FAM171A2: variants seen among roughly 807,000 people sequenced by gnomAD.
FAM171A2 encodes the protein family with sequence similarity 171 member A2.
In FAM171A2, 13 loss-of-function variants were observed where a neutral mutation model predicts 34.2. That is an observed-to-expected ratio of 0.38 (90% CI 0.25 to 0.60). The LOEUF (loss-of-function observed/expected upper bound fraction) is 0.60, where lower values mean the gene tolerates loss of function less well. Ranked by LOEUF, FAM171A2 falls within the 20% of genes least tolerant of loss-of-function variation. The pLI is 0.62. For synonymous variants in FAM171A2, 475 were observed against 561.2 expected (o/e 0.85, Z 2.17); for missense variants, 950 against 1,180.7 (o/e 0.80, Z 2.86).
rs1208636909 is a variant in FAM171A2, at chr17:44,353,597, G to C, written c.*136C>G. The C allele has an allele frequency of 4.8e-6, 3 of 625,810 alleles. No individual in the cohort carries two copies. Among genetic ancestry groups the C allele is most frequent in the Non-Finnish European group, 6.6e-6 (3 of 454,660 alleles). 38.8% of individuals were successfully genotyped at this position (625,810 alleles called of 1,614,324 possible). On this transcript the variant is annotated 3_prime_UTR_variant, in exon 8 of 8. Transcript: ENST00000293443. Reference sequence around the variant, plus strand: ...AAGACACGACCCAGCACCAACCACGGAACAGCTCCAAGGCCCCTGGGCCCC... The same window carrying C: ...AAGACACGACCCAGCACCAACCACGCAACAGCTCCAAGGCCCCTGGGCCCC...
intron 1 of FAM171A2, 100 bp from the exon 2 acceptor site, chr17:44,360,232 C>G: frequency 9.9e-7 from 1 of 1,012,948 alleles, no homozygotes. Context: ...TTGAGAGAGT[C>G]TTTTGGGCTG....
Position 44,354,705 on chromosome 17 carries a change from C to G in FAM171A2, c.1509G>C (p.Ser503=), listed in dbSNP as rs2048412293. 1 of 1,343,376 alleles carries G rather than the reference C, an allele frequency of 7.4e-7. No homozygotes were observed. The highest frequency in any genetic ancestry group is 1.5e-5 in the African/African-American group (1 of 65,392). 83.2% of individuals were successfully genotyped at this position (1,343,376 alleles called of 1,614,324 possible). ...GKTPDFLLSQ[S]VDQLARPPSL... ...ACGGCGGCCGCGCCAGCTGGTCCAC[C>G]GACTGCGACAGCAGGAAGTCGGGGG... The change falls in exon 8 of 8, where the codon TCG becomes TCC. Residue 503 remains serine, a synonymous_variant. Coordinates refer to ENST00000293443, the MANE Select transcript of FAM171A2 (RefSeq NM_198475.3). This position sits in a 1 kb window ranked among gnomAD's most constrained non-coding sequence, Gnocchi z 5.8.
chr17:44,354,614 G>A lies in FAM171A2; in HGVS notation c.1600C>T (p.Arg534Cys). Residue 534 changes from arginine to cysteine, a missense_variant, in exon 8 of 8, where the codon CGC becomes TGC. Arg to Cys is a radical substitution (Grantham distance 180). Around this residue, in one of 3 missense-constraint regions of FAM171A2, gnomAD observed 752 missense variants for 924.5 expected, o/e 0.81. Coordinates refer to ENST00000293443, the MANE Select transcript of FAM171A2 (RefSeq NM_198475.3). This position sits in a 1 kb window ranked among gnomAD's most constrained non-coding sequence, Gnocchi z 5.8. ...ATCACCAGGGTGGGCATGACGTTGC[G>A]GTAGACGTTGTCCTTGAGGTGGTCG... ...SIDHLKDNVY[R>C]NVMPTLVIPA... 1.6e-6 allele frequency: 2 copies of A among 1,263,948 alleles called. No individual in the cohort carries two copies. Among genetic ancestry groups the A allele is most frequent in the Non-Finnish European group, 2.0e-6 (2 of 1,002,118 alleles). 78.3% of individuals were successfully genotyped at this position (1,263,948 alleles called of 1,614,324 possible).
At position 44,354,413 on chromosome 17, in the gene FAM171A2, C is replaced by T. The variant is rs2048409255; in HGVS notation, c.1801G>A (p.Gly601Ser). 2 of 1,157,380 alleles carry T rather than the reference C, an allele frequency of 1.7e-6. No individual in the cohort carries two copies. Among genetic ancestry groups the T allele is most frequent in the Non-Finnish European group, 2.1e-6 (2 of 935,832 alleles). 71.7% of individuals were successfully genotyped at this position (1,157,380 alleles called of 1,614,324 possible). ...GPGGEGGGGG[G>S]EGWGAGRAAP... is the part of the protein sequence containing the mutation. ...GCGCGCCCGGCCCCCCAGCCCTCGC[C>T]GCCGCCCCCGCCGCCCTCGCCCCCC... The change falls in exon 8 of 8, where the codon GGC becomes AGC. Residue 601 changes from glycine (G) to serine (S), a missense_variant. Physicochemically the swap from Gly to Ser is moderately conservative, Grantham distance 56 (BLOSUM62 0). Transcript: ENST00000293443. This position sits in a 1 kb window ranked among gnomAD's most constrained non-coding sequence, Gnocchi z 5.8.
chr17:44,358,725 C>T (rs940667736), intron 3 of FAM171A2, among the ~76,000 whole-genome samples: 3 of 151,984 alleles, frequency 2.0e-5, no homozygotes, highest in African/African-American at 7.2e-5. Flanking sequence ...AAACTAGCTC[C>T]ATGACAAGGG....
chr17:44,363,380 T>C (rs1372891845), intron 1 of FAM171A2, among the ~76,000 whole-genome samples: 1 of 151,950 alleles, frequency 6.6e-6, no homozygotes, highest in Non-Finnish European at 1.5e-5. Flanking sequence ...GCACTACCCA[T>C]TGTGTCTCCC....
In FAM171A2 at chr17:44,363,578, C is replaced by A; in HGVS notation, c.118+19G>T. On this transcript the variant is annotated intron_variant, in intron 1 of 7. Coordinates refer to ENST00000293443, the MANE Select transcript of FAM171A2 (RefSeq NM_198475.3). The stretch of plus-strand genomic sequence containing the variant: ...GGGGCGCAGGCCCGCGATCGCGGCC[C>A]CTCCCGGCTGAGACTCACCCTGCGG... 1.7e-6 allele frequency: 2 copies of A among 1,192,796 alleles called. No homozygotes were observed. The highest frequency in any genetic ancestry group is 2.1e-6 in the Non-Finnish European group (2 of 952,694). The allele number at this position is 1,192,796 out of a possible 1,614,324, so 73.9% of individuals were successfully genotyped here.
rs1262526379 is a variant in FAM171A2 at position 44,355,968 on chromosome 17, G to A, written c.885C>T (p.Ser295=). The A allele has an allele frequency of 6.5e-7, 1 of 1,541,606 alleles. No homozygotes were observed. Residue 295 remains serine (S), a synonymous_variant, in exon 6 of 8, where the codon TCC becomes TCT. Transcript: ENST00000293443. This position sits in a 1 kb window ranked among gnomAD's most constrained non-coding sequence, Gnocchi z 4.1. ...CCCCACTACTCTTACCAGCCGTGGG[G>A]GAGGCCATGGCGGCCACCCAGTACC... ...QLGYWVAAMA[S]PTAGLVTITS... is the part of the protein sequence containing the mutation.
rs2048400153 is a variant in FAM171A2, at chr17:44,353,526, G to GC, written c.*206_*207insG. ...CCCGGCACCTCCCCGTGGGGGTCTGGACCCCCCCTCCTCCCCGGCTTGGAG... is the reference window on the plus strand; with the variant it reads ...CCCGGCACCTCCCCGTGGGGGTCTGGCACCCCCCCTCCTCCCCGGCTTGGAG... On this transcript the variant is annotated 3_prime_UTR_variant, in exon 8 of 8. Transcript: ENST00000293443. 3.4e-6 allele frequency: 1 copy of GC among 291,766 alleles called. No individual in the cohort carries two copies. The highest frequency in any genetic ancestry group is 2.4e-5 in the African/African-American group (1 of 41,106). The allele number at this position is 291,766 out of a possible 1,614,324, so 18.1% of individuals were successfully genotyped here.
intron 1 of FAM171A2, among the ~76,000 whole-genome samples, chr17:44,361,499 G>C (rs940913235): frequency 4.6e-5 from 7 of 152,104 alleles, no homozygotes; most frequent in Non-Finnish European, 7.4e-5. Context: ...CCTTAGAGTG[G>C]AGCCTGACAC....
Position 44,359,690 on chromosome 17 carries a change from G to A in FAM171A2, c.347-19C>T, listed in dbSNP as rs917206629. On this transcript the variant is annotated intron_variant, in intron 2 of 7. Coordinates refer to ENST00000293443, the MANE Select transcript of FAM171A2 (RefSeq NM_198475.3). ...GCATACACTGCGGGAGGGATGGCCG[G>A]TCAGCTCCAGGAAAACCCACCCCCT... 16 of 1,547,100 alleles carry A rather than the reference G, an allele frequency of 1.0e-5. No individual in the cohort carries two copies. The highest frequency in any genetic ancestry group is 7.9e-6 in the Non-Finnish European group (9 of 1,144,946).
In FAM171A2 at chr17:44,353,847, C is replaced by T. The variant is rs764277016; in HGVS notation, c.2367G>A (p.Ser789=). ...RSSASELRRD[S]LTSPEDELGA... ...CCAGCTCGTCCTCCGGGCTGGTGAG[C>T]GAGTCGCGCCGCAGCTCGCTGGCGC... Residue 789 remains serine, a synonymous_variant, in exon 8 of 8, where the codon TCG becomes TCA. Coordinates refer to ENST00000293443, the MANE Select transcript of FAM171A2 (RefSeq NM_198475.3). 6 of 1,395,818 alleles carry T rather than the reference C, an allele frequency of 4.3e-6. No individual in the cohort carries two copies. The South Asian group carries it at 8.6e-5, about 20-fold the overall frequency. 86.5% of individuals were successfully genotyped at this position (1,395,818 alleles called of 1,614,324 possible).
chr17:44,355,043 CGGGGTCCCCCGACGGGGCGGGTTCCA>C lies in FAM171A2; in HGVS notation c.1145_1170del (p.Leu382ArgfsTer24). On this transcript the variant is annotated frameshift_variant, in exon 8 of 8. Transcript: ENST00000293443. LOFTEE classifies it low-confidence loss of function (END_TRUNC). The surrounding 1 kb of genome is among the most constrained non-coding windows in gnomAD (Gnocchi z 4.1). ...TGGAGGGGGCCTGGAGGCGGAGCCT[CGGGGTCCCCCGACGGGGCGGGTTCCA>C]GGGGTCCCCCACAGATGAGGTGGAG... is the stretch of plus-strand genomic sequence containing the variant. The C allele has an allele frequency of 1.9e-6, 3 of 1,540,068 alleles. No individual in the cohort carries two copies. The highest frequency in any genetic ancestry group is 2.6e-6 in the Non-Finnish European group (3 of 1,142,548).
At position 44,354,704 on chromosome 17, in the gene FAM171A2, C is replaced by G; in HGVS notation, c.1510G>C (p.Val504Leu). 1 of 1,343,470 alleles carries G rather than the reference C, an allele frequency of 7.4e-7. No homozygotes were observed. Among genetic ancestry groups the G allele is most frequent in the Non-Finnish European group, 9.6e-7 (1 of 1,046,008 alleles). 83.2% of individuals were successfully genotyped at this position (1,343,470 alleles called of 1,614,324 possible). Residue 504 changes from valine to leucine, a missense_variant, in exon 8 of 8, where the codon GTG becomes CTG. By Grantham distance (32) the Val-to-Leu change is conservative. Transcript: ENST00000293443. The surrounding 1 kb of genome is among the most constrained non-coding windows in gnomAD (Gnocchi z 5.8). ...KTPDFLLSQSVDQLARPPSLG... is the reference protein window; with the variant it reads ...KTPDFLLSQSLDQLARPPSLG... The stretch of plus-strand genomic sequence containing the variant: ...GACGGCGGCCGCGCCAGCTGGTCCA[C>G]CGACTGCGACAGCAGGAAGTCGGGG...
Position 44,354,383 on chromosome 17 carries a change from G to C in FAM171A2, c.1831C>G (p.Pro611Ala). Residue 611 changes from proline (P) to alanine (A), a missense_variant, in exon 8 of 8, where the codon CCC becomes GCC. By Grantham distance (27) the Pro-to-Ala change is conservative (BLOSUM62 -1). This residue lies in a region of FAM171A2 where 752 missense variants were observed against 924.5 expected (regional missense o/e 0.81). Transcript: ENST00000293443. The surrounding 1 kb of genome is among the most constrained non-coding windows in gnomAD (Gnocchi z 5.8). ...GGGATGGTGACTGAGCCACTGACGG[G>C]CGCCGCGCGCCCGGCCCCCCAGCCC... ...GEGWGAGRAAPVSGSVTIPVL... is the reference protein window; with the variant it reads ...GEGWGAGRAAAVSGSVTIPVL... 1 of 1,287,362 alleles carries C rather than the reference G, an allele frequency of 7.8e-7. No individual in the cohort carries two copies. Among genetic ancestry groups the C allele is most frequent in the Non-Finnish European group, 1.0e-6 (1 of 1,004,560 alleles). 79.7% of individuals were successfully genotyped at this position (1,287,362 alleles called of 1,614,324 possible). A position where few individuals can be genotyped will look rare whatever the true frequency, so the allele number is the denominator to read the frequency against.
At chr17:44,357,190 A>T (rs983196493) in intron 3 of FAM171A2, among the ~76,000 whole-genome samples, 3 of 152,004 alleles carry the variant, frequency 2.0e-5, no homozygotes, top group African/African-American at 4.8e-5. Flanking sequence ...TCTCTTAAAA[A>T]TACAAAATTA....
Position 44,353,615 on chromosome 17 carries a change from TG to T in FAM171A2, c.*117del. 2.6e-6 allele frequency: 2 copies of T among 762,790 alleles called. No homozygotes were observed. The highest frequency in any genetic ancestry group is 3.4e-6 in the Non-Finnish European group (2 of 579,902). The allele number at this position is 762,790 out of a possible 1,614,324, so 47.3% of individuals were successfully genotyped here. A position where few individuals can be genotyped will look rare whatever the true frequency, so the allele number is the denominator to read the frequency against. ...AACCACGGAACAGCTCCAAGGCCCC[TG>T]GGCCCCTCTCCGGCCTGGGGCTGGG... On this transcript the variant is annotated 3_prime_UTR_variant, in exon 8 of 8. Transcript: ENST00000293443.
rs1669878634 is a variant in FAM171A2, at chr17:44,355,904, T to TCTCC, written c.895+50_895+53dup. 6.5e-7 allele frequency: 1 copy of TCTCC among 1,547,178 alleles called. No homozygotes were observed. The highest frequency in any genetic ancestry group is 8.7e-7 in the Non-Finnish European group (1 of 1,143,928). ...CCCTTCCTGCCTTTCAGAAGTCTGC[T>TCTCC]CTCCCAGCTCCCCTCCTCCGCGGCC... is the stretch of plus-strand genomic sequence containing the variant. On this transcript the variant is annotated intron_variant, in intron 6 of 7. Coordinates refer to ENST00000293443, the MANE Select transcript of FAM171A2 (RefSeq NM_198475.3). This position sits in a 1 kb window ranked among gnomAD's most constrained non-coding sequence, Gnocchi z 4.1.
In FAM171A2 at chr17:44,353,968, A is replaced by G; in HGVS notation, c.2246T>C (p.Leu749Pro). 7.7e-7 allele frequency: 1 copy of G among 1,292,474 alleles called. No individual in the cohort carries two copies. Among genetic ancestry groups the G allele is most frequent in the African/African-American group, 1.6e-5 (1 of 63,710 alleles). 80.1% of individuals were successfully genotyped at this position (1,292,474 alleles called of 1,614,324 possible). ...CGCCACCTCGTCCAGCAGCGGCGTC[A>G]GCGAGTTGTCCTCCGGAGAGCAGAG... ...TGLCSPEDNSLTPLLDEVAAP... is the reference protein window; with the variant it reads ...TGLCSPEDNSPTPLLDEVAAP... Residue 749 changes from leucine (L) to proline (P), a missense_variant, in exon 8 of 8, where the codon CTG (leucine) becomes CCG (proline). Coordinates refer to ENST00000293443, the MANE Select transcript of FAM171A2 (RefSeq NM_198475.3).
Sources: allele counts gnomAD v4.1 joint callset (sites outside exome capture counted in the v4.1 genomes callset), GRCh38; gene constraint gnomAD v4.1.1; regional missense constraint gnomAD v4.1.1; non-coding constraint Gnocchi (gnomAD v3.1); transcripts MANE v1.5; gene names NCBI Gene and HGNC (gene_info 2026-07-23, HGNC 2026-07-21).